The following CDKL2 variants were observed in gnomAD, a reference collection of about 807,000 sequenced individuals.
CDKL2 encodes the protein cyclin dependent kinase like 2, also known as cyclin-dependent kinase-like 2.
Under a neutral mutation model 63.9 loss-of-function variants are expected in CDKL2, and 64 were observed. The observed-to-expected ratio is 1.00, with a 90% CI of 0.82 to 1.23. The LOEUF is 1.23. Ranked by LOEUF, CDKL2 falls within the 50% of genes most tolerant of loss-of-function variation. The pLI is 0.00. For missense variants in CDKL2, 656 were observed against 668.0 expected (o/e 0.98, Z 0.20); for synonymous variants, 211 against 229.2 (o/e 0.92, Z 0.72).
At chr4:75,608,075 G>C (rs1312800760) in intron 3 of CDKL2, among the ~76,000 whole-genome samples, 8 of 145,146 alleles carry the variant, frequency 5.5e-5, no homozygotes, top group African/African-American at 2.1e-4. Context: ...TCGGCCTCCC[G>C]AAGTGCTGAG....
At chr4:75,608,535 A>G (rs1578339496) in intron 3 of CDKL2, among the ~76,000 whole-genome samples, 1 of 152,288 alleles carries the variant, frequency 6.6e-6, no homozygotes, top group East Asian at 1.9e-4. Flanking sequence ...GTGATAGACA[A>G]TGTGGTGTTT....
At position 75,607,236 on chromosome 4, in the gene CDKL2, T is replaced by C; in HGVS notation, c.489A>G (p.Ala163=). The C allele has an allele frequency of 1.2e-6, 2 of 1,614,094 alleles. No homozygotes were observed. The highest frequency in any genetic ancestry group is 2.7e-5 in the African/African-American group (2 of 75,076). The change falls in exon 4 of 14, where the codon GCA becomes GCG. Residue 163 remains alanine (A), a synonymous_variant. Coordinates refer to ENST00000307465, the MANE Select transcript of CDKL2 (RefSeq NM_001330724.2). ...GTTCTGGAGCTCTGTACCATCGGGT[T>C]GCCACATAATCAGTATAAACCTCCC... ...APGEVYTDYV[A]TRWYRAPELL...
intron 10 of CDKL2, among the ~76,000 whole-genome samples, chr4:75,592,993 T>C (rs941219684): frequency 2.0e-5 from 3 of 152,224 alleles, no homozygotes; most frequent in African/African-American, 7.2e-5. Flanking sequence ...TGTATTCATA[T>C]GTATGTATAA....
intron 12 of CDKL2, among the ~76,000 whole-genome samples, chr4:75,589,897 G>A (rs542926365): frequency 2.0e-5 from 3 of 151,806 alleles, no homozygotes; most frequent in Non-Finnish European, 2.9e-5. Flanking sequence ...TAGAAAGATG[G>A]CTTAAGCCCA....
rs766077540 is a variant in CDKL2, at chr4:75,598,090, G to A, written c.1007C>T (p.Thr336Ile). ...KDDSLVEERK[T>I]LVVQDTNADP... ...ATGAACATTTACCTGTACCACAAGT[G>A]TTTTTCTTTCTTCAACTAAGGAATC... The change falls in exon 8 of 14, where the codon ACA (threonine) becomes ATA (isoleucine). Residue 336 changes from threonine to isoleucine, a missense_variant. Physicochemically the swap from Thr to Ile is moderately conservative, Grantham distance 89. Coordinates refer to ENST00000307465, the MANE Select transcript of CDKL2 (RefSeq NM_001330724.2). 1 of 1,521,284 alleles carries A rather than the reference G, an allele frequency of 6.6e-7. No individual in the cohort carries two copies. Among genetic ancestry groups the A allele is most frequent in the Non-Finnish European group, 8.9e-7 (1 of 1,123,296 alleles). The allele number at this position is 1,521,284 out of a possible 1,614,324, so 94.2% of individuals were successfully genotyped here. A position where few individuals can be genotyped will look rare whatever the true frequency, so the allele number is the denominator to read the frequency against.
In CDKL2 at chr4:75,623,671, C is replaced by T. The variant is rs7699121; in HGVS notation, c.168+2150G>A. On this transcript the variant is annotated intron_variant, in intron 2 of 13. Transcript: ENST00000307465. ...ACAAAGAAATAGAGAACTGGTAATA[C>T]AAATAGCACATATTAAGGTGGTAGA... Among the ~76,000 whole-genome samples, 607 of 152,026 alleles carry T rather than the reference C, an allele frequency of 4.0e-3. 1 individual carries two copies. The highest frequency in any genetic ancestry group is 0.014 in the African/African-American group (561 of 41,450).
intron 12 of CDKL2, among the ~76,000 whole-genome samples, chr4:75,587,478 CAAG>C (rs1046802331): frequency 9.2e-5 from 14 of 151,744 alleles, no homozygotes; most frequent in Admixed American, 2.0e-4. Flanking sequence ...AACAAAAGGA[CAAG>C]AAGAGAATGC....
chr4:75,609,839 A>G (rs191206424), intron 3 of CDKL2, among the ~76,000 whole-genome samples: 57 of 152,050 alleles, frequency 3.7e-4, no homozygotes, highest in Non-Finnish European at 6.9e-4. Flanking sequence ...ATAGGCTACC[A>G]ACTTTATTAC....
Position 75,597,158 on chromosome 4 carries a change from CA to C in CDKL2, c.1098del (p.Glu367LysfsTer22). ...IKGSKIDGEK[A>X]EKGNRASNAS... Reference sequence around the variant, plus strand: ...GCATTTGAAGCTCTATTGCCTTTTTCAGCTTTTTCTCCATCAATTTTTGAGC... The same window carrying C: ...GCATTTGAAGCTCTATTGCCTTTTTCGCTTTTTCTCCATCAATTTTTGAGC... On this transcript the variant is annotated frameshift_variant, in exon 9 of 14. Coordinates refer to ENST00000307465, the MANE Select transcript of CDKL2 (RefSeq NM_001330724.2). LOFTEE classifies it high-confidence loss of function. 1 of 1,613,774 alleles carries C rather than the reference CA, an allele frequency of 6.2e-7. No individual in the cohort carries two copies.
At chr4:75,581,211 A>G (rs1728247045) in intron 13 of CDKL2, among the ~76,000 whole-genome samples, 2 of 152,220 alleles carry the variant, frequency 1.3e-5, no homozygotes. Flanking sequence ...TGTAGCTAGT[A>G]ACATCATAGT....
intron 4 of CDKL2, 89 bp downstream of exon 4, chr4:75,607,094 A>G: frequency 9.3e-7 from 1 of 1,072,840 alleles, no homozygotes; most frequent in South Asian, 1.7e-5. Flanking sequence ...TTTCAGTATT[A>G]GAGGGATCAT....
intron 3 of CDKL2, among the ~76,000 whole-genome samples, chr4:75,609,638 T>C (rs987759263): frequency 4.7e-5 from 7 of 147,656 alleles, no homozygotes; most frequent in African/African-American, 1.5e-4. Context: ...TATAGATATA[T>C]ATCATATATG....
At chr4:75,618,385 G>A (rs1442394867) in intron 2 of CDKL2, among the ~76,000 whole-genome samples, 1 of 147,392 alleles carries the variant, frequency 6.8e-6, no homozygotes, top group Non-Finnish European at 1.5e-5. Flanking sequence ...CTCCCGAATA[G>A]CTGGGATTAC....
intron 6 of CDKL2, among the ~76,000 whole-genome samples, chr4:75,603,257 CCCAAAGTGCTGGGATTA>C (rs1465763333): frequency 6.7e-6 from 1 of 150,254 alleles, no homozygotes; most frequent in Admixed American, 6.6e-5. Context: ...GCCTCGGCCT[CCCAAAGTGCTGGGATTA>C]CAGGCGTGAG....
At chr4:75,596,038 AAGGAAGG>A in intron 10 of CDKL2, 1 of 329,286 alleles carries the variant, frequency 3.0e-6, no homozygotes, top group Non-Finnish European at 5.4e-6. Context: ...GGAAGAAAGG[AAGGAAGG>A]AGTTTTTAGA....
intron 1 of CDKL2, among the ~76,000 whole-genome samples, chr4:75,627,090 C>T (rs1730454856): frequency 6.6e-6 from 1 of 151,390 alleles, no homozygotes; most frequent in Non-Finnish European, 1.5e-5. Context: ...ATAGTCCCAG[C>T]TACTCGGGAG....
Position 75,604,056 on chromosome 4 carries a change from T to C in CDKL2, c.656-100A>G, listed in dbSNP as rs1262782870. 5.9e-6 allele frequency: 7 copies of C among 1,179,770 alleles called. No individual in the cohort carries two copies. The East Asian group carries it at 1.7e-4, about 28-fold the overall frequency. The allele number at this position is 1,179,770 out of a possible 1,614,324, so 73.1% of individuals were successfully genotyped here. On this transcript the variant is annotated intron_variant, in intron 5 of 13. Coordinates refer to ENST00000307465, the MANE Select transcript of CDKL2 (RefSeq NM_001330724.2). Reference sequence around the variant, plus strand: ...GTAGAGGAAATAGTGGAACACAGCTTATGGAGTTTGGGGCTCTCTCAACAT... The same window carrying C: ...GTAGAGGAAATAGTGGAACACAGCTCATGGAGTTTGGGGCTCTCTCAACAT...
rs765286890 is a variant in CDKL2 at position 75,597,185 on chromosome 4, C to G, written c.1072G>C (p.Gly358Arg). Reference protein sequence around the residue: ...IKDYKLFKIKGSKIDGEKAEK... With the variant: ...IKDYKLFKIKRSKIDGEKAEK... ...GCTTTTTCTCCATCAATTTTTGAGC[C>G]TTTTATTTTAAATAGTTTATAATCC... The change falls in exon 9 of 14, where the codon GGC (glycine) becomes CGC (arginine). Residue 358 changes from glycine (G) to arginine (R), a missense_variant. Coordinates refer to ENST00000307465, the MANE Select transcript of CDKL2 (RefSeq NM_001330724.2). 9 of 1,612,390 alleles carry G rather than the reference C, an allele frequency of 5.6e-6. No homozygotes were observed. In the Admixed American group the frequency reaches 1.0e-4, roughly 18 times the overall value.
Position 75,607,232 on chromosome 4 carries a change from G to C in CDKL2, c.493C>G (p.Arg165Gly). 1 of 1,613,836 alleles carries C rather than the reference G, an allele frequency of 6.2e-7. No individual in the cohort carries two copies. Among genetic ancestry groups the C allele is most frequent in the South Asian group, 1.1e-5 (1 of 91,022 alleles). The change falls in exon 4 of 14, where the codon CGA becomes GGA. Residue 165 changes from arginine to glycine, a missense_variant. By Grantham distance (125) the Arg-to-Gly change is moderately radical. Coordinates refer to ENST00000307465, the MANE Select transcript of CDKL2 (RefSeq NM_001330724.2). ...GEVYTDYVATRWYRAPELLVG... is the reference protein window; with the variant it reads ...GEVYTDYVATGWYRAPELLVG... ...AATAGTTCTGGAGCTCTGTACCATC[G>C]GGTTGCCACATAATCAGTATAAACC...
Sources: allele counts gnomAD v4.1 joint callset (sites outside exome capture counted in the v4.1 genomes callset), GRCh38; gene constraint gnomAD v4.1.1; transcripts MANE v1.5; gene names NCBI Gene and HGNC (gene_info 2026-07-23, HGNC 2026-07-21).